The following SGCD variants were observed in gnomAD, a reference collection of about 807,000 sequenced individuals.
SGCD encodes delta-sarcoglycan.
In SGCD, 18 loss-of-function variants were observed where a neutral mutation model predicts 36.6. The ratio of observed to expected loss-of-function variants is 0.49; its 90% CI spans 0.34 to 0.73. The LOEUF is 0.73. Ranked by LOEUF, SGCD falls within the 30% of genes least tolerant of loss-of-function variation. The probability of loss-of-function intolerance (pLI) is 0.01; values close to 1 mark genes in which losing one functional copy is unlikely to be tolerated. For synonymous variants in SGCD, 133 were observed against 130.6 expected (o/e 1.02, Z -0.12); for missense variants, 387 against 346.7 (o/e 1.12, Z -0.92).
chr5:156,589,871 A>G (rs934479895), intron 5 of SGCD, among the ~76,000 whole-genome samples: 5 of 152,346 alleles, frequency 3.3e-5, no homozygotes. Flanking sequence ...ATCTGTGCCT[A>G]ACGGCTGTGG....
At chr5:156,263,744 G>T (rs941357245) in intron 3 of SGCD, among the ~76,000 whole-genome samples, 1 of 152,000 alleles carries the variant, frequency 6.6e-6, no homozygotes, top group East Asian at 1.9e-4. Flanking sequence ...TTAAGTCTTT[G>T]ATCCATCTTG....
chr5:156,032,706 CAAA>C (rs1171072619), intron 1 of SGCD, among the ~76,000 whole-genome samples: 306 of 15,060 alleles, frequency 0.02, 9 homozygotes, highest in African/African-American at 0.038. Flanking sequence ...GACTCCGTCT[CAAA>C]AAAAAAAAAA....
chr5:155,782,842 C>T, the SGCD span, among the ~76,000 whole-genome samples: 1 of 152,160 alleles, frequency 6.6e-6, no homozygotes, highest in African/African-American at 2.4e-5. Context: ...TGGAACAGTT[C>T]ATCACCAAAC....
At chr5:155,955,624 G>C (rs1757634348) in intron 1 of SGCD, among the ~76,000 whole-genome samples, 1 of 152,078 alleles carries the variant, frequency 6.6e-6, no homozygotes, top group Admixed American at 6.6e-5. Context: ...AATTGATTTA[G>C]AGTCAAGTAT....
chr5:156,180,598 C>T (rs1021069438), intron 3 of SGCD, among the ~76,000 whole-genome samples: 9 of 151,924 alleles, frequency 5.9e-5, no homozygotes, highest in African/African-American at 2.2e-4. Flanking sequence ...TACCCTCTAC[C>T]CTCCAAAGAT....
At position 156,589,262 on chromosome 5, in the gene SGCD, A is replaced by G; in HGVS notation, c.326A>G (p.Asn109Ser). 1 of 1,574,656 alleles carries G rather than the reference A, an allele frequency of 6.4e-7. No individual in the cohort carries two copies. The highest frequency in any genetic ancestry group is 8.6e-7 in the Non-Finnish European group (1 of 1,158,212). The change falls in exon 5 of 9, where the codon AAT becomes AGT. Residue 109 changes from asparagine (N) to serine (S), a missense_variant. Asn to Ser is a conservative substitution (Grantham distance 46, BLOSUM62 1). Coordinates refer to ENST00000337851, the MANE Select transcript of SGCD (RefSeq NM_000337.6). Reference sequence around the variant, plus strand: ...GCCCTGTACTTCAAGTCTGCCAGAAATGTTACAGTGAACATTCTCAATGAC... The same window carrying G: ...GCCCTGTACTTCAAGTCTGCCAGAAGTGTTACAGTGAACATTCTCAATGAC... ...GNALYFKSAR[N>S]VTVNILNDQT...
intron 4 of SGCD, among the ~76,000 whole-genome samples, chr5:156,543,456 A>G (rs253596): frequency 6.6e-6 from 1 of 152,024 alleles, no homozygotes; most frequent in African/African-American, 2.4e-5. Context: ...TAGTCTGGAG[A>G]CCTCAGGCAG....
At chr5:156,068,059 C>T (rs1365274894) in intron 1 of SGCD, among the ~76,000 whole-genome samples, 1 of 151,846 alleles carries the variant, frequency 6.6e-6, no homozygotes, top group Non-Finnish European at 1.5e-5. Flanking sequence ...CAACCTTCCT[C>T]TCTACCTGCA....
chr5:156,135,462 T>C (rs1486330008), intron 3 of SGCD, among the ~76,000 whole-genome samples: 1 of 152,170 alleles, frequency 6.6e-6, no homozygotes, highest in Non-Finnish European at 1.5e-5. Flanking sequence ...CATCACTAAT[T>C]AATTCTAGCT....
intron 3 of SGCD, among the ~76,000 whole-genome samples, chr5:156,404,084 C>T (rs1772292142): frequency 6.6e-6 from 1 of 152,124 alleles, no homozygotes; most frequent in South Asian, 2.1e-4. Context: ...ATCACCTCAC[C>T]TCAGCCTCCC....
chr5:156,088,435 A>G (rs916127861), intron 1 of SGCD, among the ~76,000 whole-genome samples: 7 of 152,084 alleles, frequency 4.6e-5, no homozygotes, highest in Non-Finnish European at 8.8e-5. Flanking sequence ...AAGACTTGCA[A>G]GTGTGGCCAG....
At chr5:156,301,793 G>GTT (rs377253200) in intron 3 of SGCD, among the ~76,000 whole-genome samples, 3 of 143,126 alleles carry the variant, frequency 2.1e-5, no homozygotes, top group African/African-American at 7.6e-5. Flanking sequence ...TAGGATAAAA[G>GTT]TTTTTTTTTT....
At chr5:156,304,372 T>A (rs1318455186) in intron 3 of SGCD, among the ~76,000 whole-genome samples, 1 of 152,148 alleles carries the variant, frequency 6.6e-6, no homozygotes, top group African/African-American at 2.4e-5. Context: ...ACAGAATAAG[T>A]CTCATGAGAT....
At position 156,060,117 on chromosome 5, in the gene SGCD, A is replaced by G. The variant is rs188405031; in HGVS notation, c.-281-57761A>G. Reference sequence around the variant, plus strand: ...AAATATTAACCTGCATTTTTTGTTCAGACTATTTCAAAGGAGTTTTAGAAC... The same window carrying G: ...AAATATTAACCTGCATTTTTTGTTCGGACTATTTCAAAGGAGTTTTAGAAC... On this transcript the variant is annotated intron_variant, in intron 1 of 9. Transcript: ENST00000517913. Among the ~76,000 whole-genome samples, 9 of 146,844 alleles carry G rather than the reference A, an allele frequency of 6.1e-5. No individual in the cohort carries two copies. In the East Asian group the frequency reaches 1.7e-3, roughly 28 times the overall value.
chr5:155,984,841 G>C (rs1758297498), intron 1 of SGCD, among the ~76,000 whole-genome samples: 1 of 152,154 alleles, frequency 6.6e-6, no homozygotes, highest in Non-Finnish European at 1.5e-5. Context: ...ATCACAGTCT[G>C]CTATTGCATA....
At chr5:156,089,347 T>C (rs530551461) in intron 1 of SGCD, among the ~76,000 whole-genome samples, 8 of 152,226 alleles carry the variant, frequency 5.3e-5, no homozygotes, top group Non-Finnish European at 1.2e-4. Context: ...TAGTTCATCT[T>C]CTCTGTTTTC....
intron 3 of SGCD, among the ~76,000 whole-genome samples, chr5:156,206,473 G>C (rs1332964706): frequency 2.0e-5 from 3 of 152,014 alleles, no homozygotes; most frequent in African/African-American, 7.2e-5. Flanking sequence ...CACTAATAGT[G>C]TATGAGGTTA....
chr5:156,257,585 C>A (rs1765747693), intron 3 of SGCD, among the ~76,000 whole-genome samples: 1 of 152,012 alleles, frequency 6.6e-6, no homozygotes, highest in South Asian at 2.1e-4. Context: ...GTCCTTGGGT[C>A]GGGCGCGGTG....
upstream of SGCD, among the ~76,000 whole-genome samples, chr5:155,865,858 T>C (rs563802860): frequency 1.3e-5 from 2 of 152,342 alleles, no homozygotes; most frequent in Admixed American, 6.5e-5. Context: ...TATCAAATTT[T>C]ATCCTTGGCA....
Sources: allele counts gnomAD v4.1 joint callset (sites outside exome capture counted in the v4.1 genomes callset), GRCh38; gene constraint gnomAD v4.1.1; transcripts MANE v1.5; gene names NCBI Gene and HGNC (gene_info 2026-07-23, HGNC 2026-07-21).